RSRP1: variants seen among roughly 807,000 people sequenced by gnomAD.
RSRP1 encodes arginine and serine rich protein 1.
RSRP1 carries 37 observed loss-of-function variants against 33.0 expected under a neutral mutation model. The observed-to-expected ratio is 1.12, with a 90% confidence interval of 0.86 to 1.48. The LOEUF is 1.48. Ranked by LOEUF, RSRP1 falls within the 40% of genes most tolerant of loss-of-function variation. RSRP1 has a pLI of 0.00. For missense variants in RSRP1, 402 were observed against 385.3 expected (o/e 1.04, Z -0.36); for synonymous variants, 167 against 158.7 (o/e 1.05, Z -0.40).
At chr1:25,315,740 C>A (rs1484604168) in intron 1 of RSRP1, among the ~76,000 whole-genome samples, 1 of 130,146 alleles carries the variant, frequency 7.7e-6, no homozygotes, top group African/African-American at 2.6e-5. Context: ...TCATGATCTG[C>A]CCGCCTCGGC....
In RSRP1 at chr1:25,318,974, C is replaced by T. The variant is rs112514609; in HGVS notation, c.-67+19004G>A. On this transcript the variant is annotated intron_variant, in intron 1 of 1. Transcript: ENST00000561867. ...TTGTGAAGAAGCAGAGGCGGAGTAG[C>T]GTTAATTCCGTAAGTTAACGTTCAG... is the stretch of plus-strand genomic sequence containing the variant. Among the ~76,000 whole-genome samples, 6 of 132,906 alleles carry T rather than the reference C, an allele frequency of 4.5e-5. No homozygotes were observed. The East Asian group carries it at 5.9e-4, about 13-fold the overall frequency. The allele number at this position is 132,906 out of a possible 152,430, so 87.2% of individuals were successfully genotyped here.
In RSRP1 at chr1:25,273,170, C is replaced by G. The variant is rs528323840; in HGVS notation, c.-66-26141G>C. ...TTTCTTTTTGAGGCAGGGTCTCACT[C>G]TGTTGCCCAGGCTGAAGTGCAGTGG... On this transcript the variant is annotated intron_variant, in intron 1 of 1. Coordinates refer to the RSRP1 transcript ENST00000561867. Among the ~76,000 whole-genome samples, 2 of 130,506 alleles carry G rather than the reference C, an allele frequency of 1.5e-5. 1 individual carries two copies. Among genetic ancestry groups the G allele is most frequent in the South Asian group, 4.7e-4 (2 of 4,234 alleles). The allele number at this position is 130,506 out of a possible 152,430, so 85.6% of individuals were successfully genotyped here.
upstream of RSRP1, among the ~76,000 whole-genome samples, chr1:25,250,608 G>T (rs991586390): frequency 4.6e-5 from 7 of 152,182 alleles, no homozygotes; most frequent in Non-Finnish European, 1.0e-4. Flanking sequence ...TGTAATTAAG[G>T]TTAAGGATCT....
chr1:25,290,088 T>C lies in RSRP1; in HGVS notation c.-66-43059A>G, dbSNP rs1242087747. ...GAGAAATAGGCTCAGTGAGATGAAA[T>C]AGCCACTCCAGTGGCAAGGCTGGGA... is the stretch of plus-strand genomic sequence containing the variant. On this transcript the variant is annotated intron_variant, in intron 1 of 1. Coordinates refer to the RSRP1 transcript ENST00000561867. Among the ~76,000 whole-genome samples, 5 of 125,198 alleles carry C rather than the reference T, an allele frequency of 4.0e-5. 1 individual carries two copies. The highest frequency in any genetic ancestry group is 7.5e-5 in the Non-Finnish European group (4 of 53,506). 82.1% of individuals were successfully genotyped at this position (125,198 alleles called of 152,430 possible).
intron 1 of RSRP1, among the ~76,000 whole-genome samples, chr1:25,301,253 T>C (rs1439432672): frequency 7.8e-6 from 1 of 128,226 alleles, no homozygotes; most frequent in East Asian, 2.0e-4. Flanking sequence ...GCTAAATTCA[T>C]ACCTTTGAAT....
chr1:25,270,645 G>A lies in RSRP1; in HGVS notation c.-66-23616C>T, dbSNP rs1454938340. ...TTGGGGACCCCTGATCTAGGCTACAGTTAAGTGGTCAAACACCCAGGTCCT... is the reference window on the plus strand; with the variant it reads ...TTGGGGACCCCTGATCTAGGCTACAATTAAGTGGTCAAACACCCAGGTCCT... On this transcript the variant is annotated intron_variant, in intron 1 of 1. Transcript: ENST00000561867. Among the ~76,000 whole-genome samples the A allele has an allele frequency of 3.0e-5, 4 of 132,350 alleles. No individual in the cohort carries two copies. In the South Asian group the frequency reaches 7.0e-4, roughly 23 times the overall value. The allele number at this position is 132,350 out of a possible 152,430, so 86.8% of individuals were successfully genotyped here. A position where few individuals can be genotyped will look rare whatever the true frequency, so the allele number is the denominator to read the frequency against.
intron 3 of RSRP1, chr1:25,243,885 T>G (rs1348008935): frequency 1.6e-6 from 2 of 1,221,286 alleles, no homozygotes; most frequent in Non-Finnish European, 2.1e-6. Flanking sequence ...TTAATCAGTT[T>G]TCTCAGGTTG....
At chr1:25,308,776 T>C (rs1643981838) in intron 1 of RSRP1, among the ~76,000 whole-genome samples, 1 of 129,026 alleles carries the variant, frequency 7.8e-6, no homozygotes, top group South Asian at 2.4e-4. Context: ...GGGAAGGGCA[T>C]AGTGACAGTG....
At chr1:25,263,800 T>A (rs1640232152) in intron 1 of RSRP1, among the ~76,000 whole-genome samples, 1 of 152,116 alleles carries the variant, frequency 6.6e-6, no homozygotes, top group Non-Finnish European at 1.5e-5. Flanking sequence ...AGGCAAGTCC[T>A]TTCCATTTAT....
intron 1 of RSRP1, among the ~76,000 whole-genome samples, chr1:25,313,501 T>C (rs1644275139): frequency 7.6e-6 from 1 of 132,422 alleles, no homozygotes; most frequent in Non-Finnish European, 1.8e-5. Flanking sequence ...CTTTTTCCAC[T>C]GGGATATAGT....
In RSRP1 at chr1:25,306,697, G is replaced by A. The variant is rs777114029; in HGVS notation, c.-67+31281C>T. ...GAGAGATCATCTACATTGTGCTGCT[G>A]GTGCTTGATACCGTCGGAGCCGGCA... is the stretch of plus-strand genomic sequence containing the variant. On this transcript the variant is annotated intron_variant, in intron 1 of 1. Coordinates refer to the RSRP1 transcript ENST00000561867. The A allele has an allele frequency of 1.9e-5, 26 of 1,378,460 alleles. 6 individuals are homozygous for A. Among genetic ancestry groups the A allele is most frequent in the Non-Finnish European group, 2.7e-5 (26 of 979,164 alleles). 85.4% of individuals were successfully genotyped at this position (1,378,460 alleles called of 1,614,324 possible).
chr1:25,255,058 C>CAGAGAA (rs1347572331), intron 1 of RSRP1, among the ~76,000 whole-genome samples: 1 of 152,136 alleles, frequency 6.6e-6, no homozygotes, highest in Non-Finnish European at 1.5e-5. Context: ...CAACCATACC[C>CAGAGAA]ACCTTAACAT....
At chr1:25,303,381 G>A in intron 1 of RSRP1, 1 of 1,378,404 alleles carries the variant, frequency 7.3e-7, no homozygotes, top group East Asian at 2.2e-5. Flanking sequence ...CGTGTCACCT[G>A]ATCCCTTCTC....
At chr1:25,293,078 G>T (rs56818965) in intron 1 of RSRP1, among the ~76,000 whole-genome samples, 2 of 131,488 alleles carry the variant, frequency 1.5e-5, no homozygotes, top group African/African-American at 5.3e-5. Flanking sequence ...ATGCATGGTT[G>T]TAGAGGAGGA....
At position 25,308,996 on chromosome 1, in the gene RSRP1, T is replaced by C. The variant is rs1282439527; in HGVS notation, c.-67+28982A>G. 2.3e-5 allele frequency among the ~76,000 whole-genome samples: 3 copies of C among 131,984 alleles called. 1 individual carries two copies. Among genetic ancestry groups the C allele is most frequent in the Non-Finnish European group, 5.4e-5 (3 of 56,012 alleles). The allele number at this position is 131,984 out of a possible 152,430, so 86.6% of individuals were successfully genotyped here. ...TAGCCCCGTTCTTTATGATGACTGA[T>C]GCTGCATCCGTATGAGGACATCTCT... On this transcript the variant is annotated intron_variant, in intron 1 of 1. Coordinates refer to the RSRP1 transcript ENST00000561867.
At chr1:25,252,803 G>A (rs934534604) in intron 1 of RSRP1, among the ~76,000 whole-genome samples, 3 of 151,972 alleles carry the variant, frequency 2.0e-5, no homozygotes, top group African/African-American at 7.3e-5. Flanking sequence ...CCAAAGTGCT[G>A]GGATTACAGG....
At chr1:25,285,563 C>G (rs1196115895) in intron 1 of RSRP1, among the ~76,000 whole-genome samples, 1 of 135,078 alleles carries the variant, frequency 7.4e-6, no homozygotes, top group Non-Finnish European at 1.8e-5. Flanking sequence ...ATGCTAAGAA[C>G]CATCACAACT....
intron 3 of RSRP1, chr1:25,244,675 G>C (rs1402905895): frequency 9.2e-6 from 11 of 1,196,644 alleles, no homozygotes; most frequent in Non-Finnish European, 9.5e-6. Flanking sequence ...ACTGTTAACT[G>C]AAAATGAAAA....
intron 1 of RSRP1, among the ~76,000 whole-genome samples, chr1:25,309,829 G>A (rs1395002093): frequency 1.5e-5 from 2 of 132,580 alleles, no homozygotes; most frequent in African/African-American, 5.2e-5. Context: ...TGAGGGTCTC[G>A]CCAGGGGAGA....
Sources: allele counts gnomAD v4.1 joint callset (sites outside exome capture counted in the v4.1 genomes callset), GRCh38; gene constraint gnomAD v4.1.1; transcripts MANE v1.5; gene names NCBI Gene and HGNC (gene_info 2026-07-23, HGNC 2026-07-21).